NRXN3: variants seen among roughly 807,000 people sequenced by gnomAD.
NRXN3 encodes the protein neurexin III.
In NRXN3, 32 loss-of-function variants were observed where a neutral mutation model predicts 137.6. The observed-to-expected ratio is 0.23, with a 90% CI of 0.18 to 0.31. The LOEUF (loss-of-function observed/expected upper bound fraction) is 0.31, where lower values mean the gene tolerates loss of function less well. Ranked by LOEUF, NRXN3 falls within the 10% of genes least tolerant of loss-of-function variation. The pLI is 1.00. For missense variants in NRXN3, 1,574 were observed against 2,062.5 expected (o/e 0.76, Z 4.59); for synonymous variants, 798 against 784.5 (o/e 1.02, Z -0.29).
chr14:78,752,416 TAA>T (rs1215165068), intron 8 of NRXN3, among the ~76,000 whole-genome samples: 1 of 152,154 alleles, frequency 6.6e-6, no homozygotes, highest in African/African-American at 2.4e-5. Context: ...TTCTGTCTTT[TAA>T]AAAAGTATTT....
chr14:78,952,857 C>T (rs1168141235), intron 10 of NRXN3, among the ~76,000 whole-genome samples: 1 of 152,186 alleles, frequency 6.6e-6, no homozygotes, highest in Non-Finnish European at 1.5e-5. Flanking sequence ...CCCCTCCCTC[C>T]CCAACCTCCA....
intron 18 of NRXN3, among the ~76,000 whole-genome samples, chr14:79,694,779 G>A (rs530413737): frequency 5.1e-4 from 77 of 152,016 alleles, no homozygotes; most frequent in African/African-American, 1.8e-3. Context: ...GACACGAAGA[G>A]TGCTCTACTG....
intron 10 of NRXN3, among the ~76,000 whole-genome samples, chr14:78,932,876 A>G (rs981263674): frequency 6.6e-6 from 1 of 152,226 alleles, no homozygotes; most frequent in South Asian, 2.1e-4. Context: ...TTAAAAATCC[A>G]GGGTACCTTC....
At chr14:79,087,527 C>G (rs1044505000) in intron 15 of NRXN3, among the ~76,000 whole-genome samples, 1 of 152,102 alleles carries the variant, frequency 6.6e-6, no homozygotes, top group Non-Finnish European at 1.5e-5. Context: ...AACACAGAAC[C>G]AACAGTGCCA....
At chr14:79,782,975 G>A (rs2140132263) in intron 19 of NRXN3, among the ~76,000 whole-genome samples, 1 of 152,250 alleles carries the variant, frequency 6.6e-6, no homozygotes, top group Middle Eastern at 3.4e-3. Context: ...GGCATTCAAT[G>A]TTCACTTACT....
rs558047113 is a variant in NRXN3, at chr14:78,974,661, CTTTG to C, written c.3142+6321_3142+6324del. ...CATTCTTGTAATGACTTGACAGTCT[CTTTG>C]TTTGTGGCAGGAGCTGCTTTTTTTT... On this transcript the variant is annotated intron_variant, in intron 14 of 20. Coordinates refer to ENST00000335750, the MANE Select transcript of NRXN3 (RefSeq NM_001330195.2). 1.8e-3 allele frequency among the ~76,000 whole-genome samples: 274 copies of C among 152,136 alleles called. 1 individual carries two copies. Among genetic ancestry groups the C allele is most frequent in the African/African-American group, 6.3e-3 (262 of 41,500 alleles).
At chr14:78,493,365 A>G (rs2095705744) in intron 4 of NRXN3, among the ~76,000 whole-genome samples, 1 of 151,606 alleles carries the variant, frequency 6.6e-6, no homozygotes. Context: ...CTATTAAAAA[A>G]AAAAAAAATT....
At chr14:78,279,208 A>G (rs983834372) in intron 3 of NRXN3, among the ~76,000 whole-genome samples, 1 of 152,190 alleles carries the variant, frequency 6.6e-6, no homozygotes, top group Admixed American at 6.5e-5. Context: ...AAAAAGCAGG[A>G]TGGTTTGAAT....
At chr14:78,219,158 AG>A (rs5809868) in intron 1 of NRXN3, among the ~76,000 whole-genome samples, 3 of 151,850 alleles carry the variant, frequency 2.0e-5, no homozygotes, top group South Asian at 4.2e-4. Context: ...TTTTGGTGGG[AG>A]GGGGGATGCA....
chr14:79,260,557 T>C (rs1479273988), intron 15 of NRXN3, among the ~76,000 whole-genome samples: 1 of 152,126 alleles, frequency 6.6e-6, no homozygotes, highest in Admixed American at 6.5e-5. Flanking sequence ...TCGTATCTGG[T>C]GCTGTTCTGC....
At chr14:79,337,970 C>G (rs2092369597) in intron 15 of NRXN3, among the ~76,000 whole-genome samples, 1 of 152,072 alleles carries the variant, frequency 6.6e-6, no homozygotes, top group Non-Finnish European at 1.5e-5. Context: ...TTTTTATTTA[C>G]AGGACTCCTA....
At chr14:78,919,889 AG>A (rs759411057) in intron 10 of NRXN3, among the ~76,000 whole-genome samples, 3 of 152,238 alleles carry the variant, frequency 2.0e-5, no homozygotes, top group Non-Finnish European at 4.4e-5. Flanking sequence ...TTTCAGTCAC[AG>A]TGCTAAGCAC....
intron 16 of NRXN3, among the ~76,000 whole-genome samples, chr14:79,571,056 A>T (rs1417805094): frequency 6.6e-6 from 1 of 152,194 alleles, no homozygotes; most frequent in Non-Finnish European, 1.5e-5. Context: ...TTTTGGGGCA[A>T]GTATTCAGTC....
At chr14:79,157,324 T>G (rs969004476) in intron 15 of NRXN3, among the ~76,000 whole-genome samples, 4 of 151,826 alleles carry the variant, frequency 2.6e-5, no homozygotes, top group African/African-American at 9.7e-5. Context: ...AGGATATTTT[T>G]TGGAGGTTCT....
intron 2 of NRXN3, among the ~76,000 whole-genome samples, chr14:78,257,530 A>G (rs781101478): frequency 3.3e-5 from 5 of 152,244 alleles, no homozygotes; most frequent in Non-Finnish European, 7.3e-5. Flanking sequence ...GATTGGAGGA[A>G]ACTTTGCAGA....
intron 4 of NRXN3, among the ~76,000 whole-genome samples, chr14:78,538,912 A>G (rs1456048039): frequency 1.3e-5 from 2 of 152,200 alleles, no homozygotes; most frequent in African/African-American, 2.4e-5. Context: ...GTGATGGATT[A>G]CGTTTATTGA....
At chr14:78,787,330 G>C (rs1010404604) in intron 8 of NRXN3, among the ~76,000 whole-genome samples, 4 of 152,092 alleles carry the variant, frequency 2.6e-5, no homozygotes. Flanking sequence ...ACTGTGTGTG[G>C]AGCAGTTCAG....
chr14:78,873,829 C>T (rs1053084704), intron 10 of NRXN3, among the ~76,000 whole-genome samples: 1 of 152,108 alleles, frequency 6.6e-6, no homozygotes, highest in African/African-American at 2.4e-5. Flanking sequence ...TTAATGAGGT[C>T]CCCAGGGTAG....
At chr14:79,376,854 G>A (rs138377528) in intron 15 of NRXN3, among the ~76,000 whole-genome samples, 314 of 152,286 alleles carry the variant, frequency 2.1e-3, no homozygotes, top group African/African-American at 7.0e-3. Flanking sequence ...TTACACCCAA[G>A]TAGCAAAGAT....
Sources: allele counts gnomAD v4.1 joint callset (sites outside exome capture counted in the v4.1 genomes callset), GRCh38; gene constraint gnomAD v4.1.1; transcripts MANE v1.5; gene names NCBI Gene and HGNC (gene_info 2026-07-23, HGNC 2026-07-21).